The following DOCK10 variants were observed in gnomAD, a reference collection of about 807,000 sequenced individuals.
The protein encoded by DOCK10 is dedicator of cytokinesis protein 10.
Under a neutral mutation model 280.1 loss-of-function variants are expected in DOCK10, and 145 were observed. That is an observed-to-expected ratio of 0.52 (90% CI 0.45 to 0.59). The LOEUF (loss-of-function observed/expected upper bound fraction) is 0.59. DOCK10 is among the 20% of genes least tolerant of loss of function. The pLI is 0.00. For synonymous variants in DOCK10, 915 were observed against 942.2 expected, an observed-to-expected ratio of 0.97 and a Z score of 0.53; for missense variants, 2,368 against 2,651.7, an observed-to-expected ratio of 0.89 and a Z score of 2.35.
chr2:225,023,758 A>C (rs768900847), intron 1 of DOCK10, among the ~76,000 whole-genome samples: 5 of 152,152 alleles, frequency 3.3e-5, no homozygotes, highest in Non-Finnish European at 7.4e-5. Flanking sequence ...AAAACCAAAA[A>C]CTAAATGATA....
intron 1 of DOCK10, among the ~76,000 whole-genome samples, chr2:225,014,081 A>ATATTTTTT (rs776104946): frequency 3.8e-4 from 37 of 96,810 alleles, no homozygotes; most frequent in South Asian, 3.6e-4. Context: ...GTCTGAATAT[A>ATATTTTTT]TTGTTTTTTT....
At chr2:224,799,636 C>T (rs1692832851) in intron 41 of DOCK10, among the ~76,000 whole-genome samples, 1 of 152,222 alleles carries the variant, frequency 6.6e-6, no homozygotes, top group Admixed American at 6.5e-5. Context: ...TTCCCACTGT[C>T]AATAAATAGG....
chr2:224,844,668 A>G, intron 22 of DOCK10, 85 bp downstream of exon 22: 1 of 870,228 alleles, frequency 1.1e-6, no homozygotes, highest in Non-Finnish European at 1.9e-6. Flanking sequence ...TCATGAAATG[A>G]TTAGTCTCAT....
chr2:225,029,416 C>T (rs1298609006), intron 1 of DOCK10, among the ~76,000 whole-genome samples: 1 of 152,180 alleles, frequency 6.6e-6, no homozygotes, highest in Non-Finnish European at 1.5e-5. Context: ...AAGTAATCCA[C>T]CTGCCTCGGC....
Position 224,797,209 on chromosome 2 carries a change from A to C in DOCK10, c.4645-63T>G, listed in dbSNP as rs996534556. On this transcript the variant is annotated intron_variant, in intron 42 of 55. Transcript: ENST00000258390. ...CCTTCATTTTGCTCTGTTCATTCTCATATTTTAAAATTCCCTAAAACAAAA... is the reference window on the plus strand; with the variant it reads ...CCTTCATTTTGCTCTGTTCATTCTCCTATTTTAAAATTCCCTAAAACAAAA... 3.2e-6 allele frequency: 4 copies of C among 1,237,182 alleles called. No individual in the cohort carries two copies. In the East Asian group the frequency reaches 1.1e-4, roughly 34 times the overall value. 76.6% of individuals were successfully genotyped at this position (1,237,182 alleles called of 1,614,324 possible).
chr2:224,876,649 T>C (rs1399128587), intron 7 of DOCK10, among the ~76,000 whole-genome samples: 1 of 152,188 alleles, frequency 6.6e-6, no homozygotes, highest in Non-Finnish European at 1.5e-5. Context: ...TGCCATACTA[T>C]CTTAAGGACT....
At chr2:224,840,972 C>G (rs1223524339) in intron 23 of DOCK10, among the ~76,000 whole-genome samples, 1 of 152,060 alleles carries the variant, frequency 6.6e-6, no homozygotes, top group East Asian at 1.9e-4. Context: ...CATGGAGGAA[C>G]CCGGAGTATA....
intron 1 of DOCK10, among the ~76,000 whole-genome samples, chr2:224,964,806 G>A (rs565912923): frequency 8.6e-5 from 13 of 151,846 alleles, no homozygotes; most frequent in Non-Finnish European, 1.5e-4. Context: ...TTCTCCCTTC[G>A]GCCACTGAAC....
intron 52 of DOCK10, among the ~76,000 whole-genome samples, chr2:224,774,105 G>T (rs544900632): frequency 9.2e-4 from 140 of 152,232 alleles, no homozygotes; most frequent in African/African-American, 3.2e-3. Flanking sequence ...TTTACTGAAG[G>T]CAGACGCTTG....
chr2:224,946,843 C>A (rs992938380), intron 1 of DOCK10: 3 of 1,530,968 alleles, frequency 2.0e-6, no homozygotes, highest in Non-Finnish European at 2.6e-6. Context: ...ATTTGGATAC[C>A]TACAGAACTA....
intron 28 of DOCK10, 47 bp from the exon 29 acceptor site, chr2:224,819,576 C>A (rs758099625): frequency 1.1e-5 from 13 of 1,210,314 alleles, no homozygotes; most frequent in Admixed American, 2.3e-5. Context: ...CTTGAAGAAT[C>A]ATTAAAGATT....
intron 4 of DOCK10, among the ~76,000 whole-genome samples, chr2:224,886,888 A>ACCCCCCCC (rs200245451): frequency 3.6e-4 from 52 of 142,520 alleles, no homozygotes; most frequent in African/African-American, 1.2e-3. Flanking sequence ...CACCCCCAAC[A>ACCCCCCCC]CCCCCCCAAG....
At chr2:224,997,806 C>T (rs777510742) in intron 1 of DOCK10, among the ~76,000 whole-genome samples, 71 of 152,050 alleles carry the variant, frequency 4.7e-4, no homozygotes, top group Non-Finnish European at 8.2e-4. Context: ...GAAAGAGAGC[C>T]GCTACCAAAC....
At chr2:224,773,417 AC>A in intron 52 of DOCK10, 70 bp from the exon 53 acceptor site, 1 of 1,381,916 alleles carries the variant, frequency 7.2e-7, no homozygotes, top group Non-Finnish European at 1.0e-6. Flanking sequence ...TCCCTGAAGG[AC>A]CAGAGGATCA....
chr2:224,829,612 G>T (rs1295813135), intron 27 of DOCK10, among the ~76,000 whole-genome samples: 1 of 152,158 alleles, frequency 6.6e-6, no homozygotes, highest in African/African-American at 2.4e-5. Flanking sequence ...CTGCTTCTTG[G>T]TCTTCCTCAC....
intron 17 of DOCK10, 135 bp from the exon 18 acceptor site, chr2:224,852,577 C>T: frequency 1.4e-6 from 1 of 708,944 alleles, no homozygotes; most frequent in Non-Finnish European, 2.3e-6. Flanking sequence ...TGACATTATC[C>T]ATAATCTTTT....
intron 1 of DOCK10, among the ~76,000 whole-genome samples, chr2:224,950,386 G>A (rs1559847078): frequency 1.3e-5 from 2 of 152,206 alleles, no homozygotes; most frequent in East Asian, 3.8e-4. Context: ...TGTGAGGTAA[G>A]TATTGTTATC....
chr2:224,831,642 C>T (rs986976785), intron 26 of DOCK10, among the ~76,000 whole-genome samples: 7 of 152,260 alleles, frequency 4.6e-5, no homozygotes, highest in Admixed American at 1.3e-4. Flanking sequence ...GAGCAGTACA[C>T]ACCTGTTCCT....
intron 16 of DOCK10, among the ~76,000 whole-genome samples, chr2:224,854,332 A>G (rs1454386805): frequency 1.3e-5 from 2 of 152,180 alleles, no homozygotes; most frequent in Admixed American, 6.5e-5. Context: ...TTTATAAATA[A>G]AGTTTAAAAA....
Sources: gnomAD v4.1 joint callset for allele counts (sites outside exome capture counted in the v4.1 genomes callset) on GRCh38, gnomAD v4.1.1 for gene constraint, MANE v1.5 for transcripts, NCBI Gene and HGNC (gene_info 2026-07-23, HGNC 2026-07-21) for gene names.